GPR107: variants seen among roughly 807,000 people sequenced by gnomAD.
GPR107 encodes protein GPR107.
A neutral mutation model predicts 75.5 loss-of-function variants in GPR107; 31 were observed. That is an observed-to-expected ratio of 0.41 (90% CI 0.31 to 0.55). The LOEUF (loss-of-function observed/expected upper bound fraction) is 0.55. GPR107 is among the 20% of genes least tolerant of loss of function. The pLI is 0.26. For synonymous variants in GPR107, 267 were observed against 251.3 expected (o/e 1.06, Z -0.59); for missense variants, 572 against 665.7 (o/e 0.86, Z 1.55).
At chr9:130,054,174 C>G in intron 1 of GPR107, 101 bp downstream of exon 1, 1 of 1,115,182 alleles carries the variant, frequency 9.0e-7, no homozygotes, top group Non-Finnish European at 1.2e-6. Flanking sequence ...CACTGGACCA[C>G]CTCTTTGCCC....
At chr9:130,055,695 A>G (rs962628076) in intron 1 of GPR107, among the ~76,000 whole-genome samples, 7 of 152,142 alleles carry the variant, frequency 4.6e-5, no homozygotes, top group Non-Finnish European at 1.0e-4. Context: ...CTATAATCCT[A>G]GCACTTTGGG....
chr9:130,131,456 C>A (rs911339498), intron 17 of GPR107, among the ~76,000 whole-genome samples: 13 of 152,078 alleles, frequency 8.5e-5, no homozygotes, highest in African/African-American at 2.9e-4. Context: ...TCCCTGTCAC[C>A]CGCCCTGCCT....
rs1830217569 is a variant in GPR107 at position 130,071,748 on chromosome 9, A to G, written c.142-3888A>G. Among the ~76,000 whole-genome samples, 3 of 152,044 alleles carry G rather than the reference A, an allele frequency of 2.0e-5. No individual in the cohort carries two copies. The South Asian group carries it at 6.2e-4, about 32-fold the overall frequency. On this transcript the variant is annotated intron_variant, in intron 1 of 17. Transcript: ENST00000347136. ...CCCCAGGCTGGAGTGCAATGGTGCAATCTCCGCTTACTGCAACCTCTGCCT... is the reference window on the plus strand; with the variant it reads ...CCCCAGGCTGGAGTGCAATGGTGCAGTCTCCGCTTACTGCAACCTCTGCCT...
intron 1 of GPR107, among the ~76,000 whole-genome samples, chr9:130,064,466 C>T (rs1219691062): frequency 6.6e-6 from 1 of 152,016 alleles, no homozygotes; most frequent in Non-Finnish European, 1.5e-5. Context: ...TCCCAAAGTG[C>T]TGGGATTACA....
intron 14 of GPR107, chr9:130,110,534 T>G (rs942091083): frequency 4.4e-6 from 3 of 689,630 alleles, no homozygotes; most frequent in African/African-American, 3.6e-5. Flanking sequence ...CAGAGCAGAT[T>G]AGAACGGGAT....
Position 130,135,015 on chromosome 9 carries a change from C to T in GPR107, c.1563-10C>T. 2 of 1,529,124 alleles carry T rather than the reference C, an allele frequency of 1.3e-6. No individual in the cohort carries two copies. Among genetic ancestry groups the T allele is most frequent in the Non-Finnish European group, 1.8e-6 (2 of 1,104,324 alleles). 94.7% of individuals were successfully genotyped at this position (1,529,124 alleles called of 1,614,324 possible). On this transcript the variant is annotated splice_polypyrimidine_tract_variant and intron_variant, in intron 17 of 17. Coordinates refer to ENST00000347136, the MANE Select transcript of GPR107 (RefSeq NM_020960.5). Reference sequence around the variant, plus strand: ...AGATGTTCCTAATTGTTTTTTCTTTCCTTGTTCAGTGTGACAACATCTGGG... The same window carrying T: ...AGATGTTCCTAATTGTTTTTTCTTTTCTTGTTCAGTGTGACAACATCTGGG...
chr9:130,135,393 C>A lies in GPR107; in HGVS notation c.*272C>A, dbSNP rs554647377. On this transcript the variant is annotated 3_prime_UTR_variant, in exon 18 of 18. Coordinates refer to ENST00000347136, the MANE Select transcript of GPR107 (RefSeq NM_020960.5). ...GGAGAGGAAGAGAAAAGGAAGAATT[C>A]ATTTTTAATTTAGGTTTCTTTTTTT... 8.0e-6 allele frequency: 3 copies of A among 374,448 alleles called. No homozygotes were observed. Among genetic ancestry groups the A allele is most frequent in the African/African-American group, 6.3e-5 (3 of 47,348 alleles). The allele number at this position is 374,448 out of a possible 1,614,324, so 23.2% of individuals were successfully genotyped here.
intron 17 of GPR107, among the ~76,000 whole-genome samples, chr9:130,133,425 G>A (rs1831877938): frequency 6.6e-6 from 1 of 152,200 alleles, no homozygotes; most frequent in African/African-American, 2.4e-5. Context: ...GATTACTGGA[G>A]TGTTTCTGGA....
intron 17 of GPR107, among the ~76,000 whole-genome samples, chr9:130,134,023 G>A (rs1002438705): frequency 2.0e-5 from 3 of 152,200 alleles, no homozygotes; most frequent in Non-Finnish European, 2.9e-5. Flanking sequence ...CAGAGGGATG[G>A]GTTGGGTCCT....
chr9:130,057,193 T>C (rs1243381331), intron 1 of GPR107, among the ~76,000 whole-genome samples: 1 of 152,006 alleles, frequency 6.6e-6, no homozygotes, highest in Non-Finnish European at 1.5e-5. Flanking sequence ...GGAGTATGCG[T>C]TGATCTCTTA....
At chr9:130,125,168 C>T (rs1378250489) in intron 15 of GPR107, among the ~76,000 whole-genome samples, 4 of 123,782 alleles carry the variant, frequency 3.2e-5, no homozygotes, top group South Asian at 2.8e-4. Context: ...GCACGATCTT[C>T]GCTCACTGCA....
rs200927249 is a variant in GPR107 at position 130,091,695 on chromosome 9, AT to A, written c.730-536del. Among the ~76,000 whole-genome samples the A allele has an allele frequency of 7.3e-3, 955 of 131,416 alleles. 2 individuals carry two copies. Among genetic ancestry groups the A allele is most frequent in the Middle Eastern group, 0.013 (3 of 226 alleles). The allele number at this position is 131,416 out of a possible 152,430, so 86.2% of individuals were successfully genotyped here. ...AGGCGCCTTTCACAATGCCTGGCTA[AT>A]TTTTTTTTTTTTTTTTCCAGACGGA... On this transcript the variant is annotated intron_variant, in intron 8 of 17. Transcript: ENST00000347136.
intron 1 of GPR107, among the ~76,000 whole-genome samples, chr9:130,060,301 G>A (rs561611676): frequency 2.0e-5 from 3 of 151,630 alleles, no homozygotes; most frequent in African/African-American, 4.8e-5. Context: ...GACCTCAGAT[G>A]TTCTGCCCAC....
Position 130,127,529 on chromosome 9 carries a change from A to G in GPR107, c.1403A>G (p.Lys468Arg), listed in dbSNP as rs368664209. 38 of 1,604,298 alleles carry G rather than the reference A, an allele frequency of 2.4e-5. No individual in the cohort carries two copies. The highest frequency in any genetic ancestry group is 2.7e-5 in the Non-Finnish European group (32 of 1,171,158). The change falls in exon 16 of 18, where the codon AAA becomes AGA. Residue 468 changes from lysine (K) to arginine (R), a missense_variant. By Grantham distance (26) the Lys-to-Arg change is conservative. Coordinates refer to ENST00000347136, the MANE Select transcript of GPR107 (RefSeq NM_020960.5). Reference protein sequence around the residue: ...YFTRIIAFLLKLAVPFQWKWL... With the variant: ...YFTRIIAFLLRLAVPFQWKWL... ...ACTAGGATCATTGCATTTCTCCTCA[A>G]ACTCGCTGTTCCATTCCAGTGGAAG...
Position 130,103,123 on chromosome 9 carries a change from C to A in GPR107, c.1132-1297C>A, listed in dbSNP as rs1831077172. Among the ~76,000 whole-genome samples, 1 of 152,090 alleles carries A rather than the reference C, an allele frequency of 6.6e-6. No homozygotes were observed. The highest frequency in any genetic ancestry group is 2.4e-5 in the African/African-American group (1 of 41,398). ...GTCTTTTTAGATGGAGCCACAGATGCTAGTGTTTTGGATAGACAGGGCTTC... is the reference window on the plus strand; with the variant it reads ...GTCTTTTTAGATGGAGCCACAGATGATAGTGTTTTGGATAGACAGGGCTTC... On this transcript the variant is annotated intron_variant, in intron 12 of 17. Transcript: ENST00000347136. This position sits in a 1 kb window ranked among gnomAD's most constrained non-coding sequence, Gnocchi z 4.3.
At chr9:130,083,093 G>T (rs1161376746) in intron 5 of GPR107, among the ~76,000 whole-genome samples, 2 of 151,538 alleles carry the variant, frequency 1.3e-5, no homozygotes, top group African/African-American at 4.9e-5. Context: ...ACTAATTTTT[G>T]TATTTTTAGT....
intron 1 of GPR107, among the ~76,000 whole-genome samples, chr9:130,069,469 A>G (rs1047739383): frequency 3.3e-5 from 5 of 152,150 alleles, no homozygotes; most frequent in Non-Finnish European, 5.9e-5. Context: ...TGTATCTGGT[A>G]TTGTTATCCT....
chr9:130,087,811 A>G (rs2132584613), intron 7 of GPR107, among the ~76,000 whole-genome samples: 1 of 150,404 alleles, frequency 6.6e-6, no homozygotes, highest in Non-Finnish European at 1.5e-5. Flanking sequence ...GTCTCAAAAA[A>G]AAAAAAAAAA....
chr9:130,118,321 G>C (rs1831474015), intron 14 of GPR107, among the ~76,000 whole-genome samples: 1 of 152,216 alleles, frequency 6.6e-6, no homozygotes, highest in Non-Finnish European at 1.5e-5. Context: ...CAGCTGGGAA[G>C]GAGGGGATAA....
Sources: allele counts gnomAD v4.1 joint callset (sites outside exome capture counted in the v4.1 genomes callset), GRCh38; gene constraint gnomAD v4.1.1; non-coding constraint Gnocchi (gnomAD v3.1); transcripts MANE v1.5; gene names NCBI Gene and HGNC (gene_info 2026-07-23, HGNC 2026-07-21).